ZNF365: variants seen among roughly 807,000 people sequenced by gnomAD.
ZNF365 encodes the protein protein ZNF365.
ZNF365 carries 22 observed loss-of-function variants against 35.0 expected under a neutral mutation model. That is an observed-to-expected ratio of 0.63 (90% CI 0.45 to 0.90). The LOEUF (loss-of-function observed/expected upper bound fraction) is 0.90. Ranked by LOEUF, ZNF365 falls within the 40% of genes least tolerant of loss-of-function variation. The probability of loss-of-function intolerance (pLI) is 0.00; values close to 1 mark genes in which losing one functional copy is unlikely to be tolerated. For missense variants in ZNF365, 448 were observed against 500.3 expected, an observed-to-expected ratio of 0.90 and a Z score of 1.00; for synonymous variants, 188 against 196.2, an observed-to-expected ratio of 0.96 and a Z score of 0.35.
chr10:62,455,199 GCACT>G (rs1444506837), intron 3 of ZNF365, among the ~76,000 whole-genome samples: 3 of 152,188 alleles, frequency 2.0e-5, no homozygotes, highest in African/African-American at 7.2e-5. Flanking sequence ...CACTCTGGCA[GCACT>G]GTGGAGACAG....
At chr10:62,477,261 A>T (rs1841147568) in intron 4 of ZNF365, among the ~76,000 whole-genome samples, 1 of 152,240 alleles carries the variant, frequency 6.6e-6, no homozygotes, top group Non-Finnish European at 1.5e-5. Context: ...TAACTTAAAT[A>T]AATGAAAAGA....
rs992914537 is a variant in ZNF365, at chr10:62,399,891, T to C, written c.*102T>C. The C allele has an allele frequency of 1.2e-5, 17 of 1,456,066 alleles. No individual in the cohort carries two copies. The highest frequency in any genetic ancestry group is 2.9e-5 in the African/African-American group (2 of 70,086). 90.2% of individuals were successfully genotyped at this position (1,456,066 alleles called of 1,614,324 possible). A position where few individuals can be genotyped will look rare whatever the true frequency, so the allele number is the denominator to read the frequency against. ...TGGAAACATTCCATAGTAAGACACA[T>C]TGGAAAAGCCAAGGGCATAACACAG... is the stretch of plus-strand genomic sequence containing the variant. On this transcript the variant is annotated 3_prime_UTR_variant, in exon 5 of 5. Transcript: ENST00000395254.
chr10:62,449,625 C>T (rs1227378604), intron 3 of ZNF365, among the ~76,000 whole-genome samples: 1 of 152,162 alleles, frequency 6.6e-6, no homozygotes, highest in Non-Finnish European at 1.5e-5. Context: ...TAAGCTCTAG[C>T]TTCTCTATAA....
At chr10:62,421,292 G>A (rs1197738536) in intron 3 of ZNF365, among the ~76,000 whole-genome samples, 1 of 152,128 alleles carries the variant, frequency 6.6e-6, no homozygotes, top group Non-Finnish European at 1.5e-5. Flanking sequence ...GCACAATTAT[G>A]TACTGCAAAT....
chr10:62,382,547 C>T (rs1051173553), intron 2 of ZNF365, among the ~76,000 whole-genome samples: 9 of 152,216 alleles, frequency 5.9e-5, no homozygotes, highest in Non-Finnish European at 8.8e-5. Context: ...CCTATCACAT[C>T]CCCACTCTAG....
intron 3 of ZNF365, among the ~76,000 whole-genome samples, chr10:62,441,438 C>T (rs1370103169): frequency 1.3e-5 from 2 of 152,120 alleles, no homozygotes; most frequent in Admixed American, 1.3e-4. Context: ...AGACCATTTT[C>T]TTTATTTTAT....
chr10:62,426,665 C>T (rs150073308), intron 3 of ZNF365, among the ~76,000 whole-genome samples: 312 of 152,044 alleles, frequency 2.1e-3, no homozygotes, highest in African/African-American at 7.1e-3. Context: ...GGGGTTTCTG[C>T]GGGAAAGGCA....
chr10:62,458,473 C>CAA (rs1451163777), intron 3 of ZNF365, among the ~76,000 whole-genome samples: 2 of 149,096 alleles, frequency 1.3e-5, no homozygotes, highest in Non-Finnish European at 3.0e-5. Context: ...CTTGAACACA[C>CAA]ACACACACAC....
At chr10:62,417,558 T>A (rs1398302675) in intron 3 of ZNF365, among the ~76,000 whole-genome samples, 2 of 152,088 alleles carry the variant, frequency 1.3e-5, no homozygotes, top group Non-Finnish European at 2.9e-5. Flanking sequence ...TCCTCAGATC[T>A]CTTTCTCCAA....
chr10:62,405,385 G>A (rs1839890239), downstream of ZNF365, among the ~76,000 whole-genome samples: 1 of 152,142 alleles, frequency 6.6e-6, no homozygotes, highest in Non-Finnish European at 1.5e-5. Flanking sequence ...GGCTTATGAT[G>A]GCTTGAAAGG....
intron 3 of ZNF365, among the ~76,000 whole-genome samples, chr10:62,459,413 G>A (rs942775856): frequency 4.6e-5 from 7 of 152,192 alleles, no homozygotes; most frequent in Admixed American, 6.5e-5. Flanking sequence ...AGGGGGAGAC[G>A]ATGGAAAATT....
intron 3 of ZNF365, among the ~76,000 whole-genome samples, chr10:62,398,083 A>G (rs1839761766): frequency 1.3e-5 from 2 of 152,170 alleles, no homozygotes; most frequent in Admixed American, 6.5e-5. Flanking sequence ...CGATCCAGCA[A>G]TCCCTCTACT....
chr10:62,399,440 G>A, intron 4 of ZNF365, 88 bp from the exon 5 acceptor site: 3 of 1,535,548 alleles, frequency 2.0e-6, no homozygotes, highest in South Asian at 2.5e-5. Flanking sequence ...AGGAGAGATT[G>A]TGCCATGAGT....
chr10:62,382,347 A>C (rs757121442), intron 2 of ZNF365, among the ~76,000 whole-genome samples: 5 of 152,190 alleles, frequency 3.3e-5, no homozygotes, highest in Non-Finnish European at 2.9e-5. Context: ...TTTGCTCCAC[A>C]TTGTTGGTTC....
intron 3 of ZNF365, among the ~76,000 whole-genome samples, chr10:62,416,414 G>A (rs4745969): frequency 0.63 from 95,091 of 151,900 alleles, 30,292 homozygotes; most frequent in East Asian, 0.84. Context: ...TGCTTTTCAT[G>A]TGAAATGTTC....
At chr10:62,470,355 CT>C (rs1800006214) in intron 4 of ZNF365, among the ~76,000 whole-genome samples, 1 of 152,218 alleles carries the variant, frequency 6.6e-6, no homozygotes, top group African/African-American at 2.4e-5. Context: ...TGGTTGAGGA[CT>C]GCTTCCAGGG....
chr10:62,391,452 A>G (rs964399107), intron 3 of ZNF365, among the ~76,000 whole-genome samples: 2 of 151,616 alleles, frequency 1.3e-5, no homozygotes, highest in African/African-American at 4.9e-5. Flanking sequence ...AAGCCTTTGC[A>G]TTCTCATAGC....
chr10:62,393,183 T>A (rs887591270), intron 3 of ZNF365, among the ~76,000 whole-genome samples: 1 of 152,208 alleles, frequency 6.6e-6, no homozygotes, highest in Non-Finnish European at 1.5e-5. Context: ...CAACACCTTC[T>A]TTTGGAATAC....
chr10:62,479,909 G>T (rs773368885), exon 5 of ZNF365: 6 of 1,613,088 alleles, frequency 3.7e-6, no homozygotes, highest in Non-Finnish European at 5.1e-6. Context: ...AACTTCGAAT[G>T]ATGTGATTCT....
Sources: allele counts gnomAD v4.1 joint callset (sites outside exome capture counted in the v4.1 genomes callset), GRCh38; gene constraint gnomAD v4.1.1; transcripts MANE v1.5; gene names NCBI Gene and HGNC (gene_info 2026-07-23, HGNC 2026-07-21).